The following FRA10AC1 variants were observed in gnomAD, a reference collection of about 807,000 sequenced individuals.
FRA10AC1 encodes FRA10A associated CGG repeat 1, also known as protein FRA10AC1.
A neutral mutation model predicts 56.5 loss-of-function variants in FRA10AC1; 43 were observed. That is an observed-to-expected ratio of 0.76 (90% confidence interval 0.60 to 0.98). The LOEUF is 0.98. Ranked by LOEUF, FRA10AC1 falls within the 50% of genes least tolerant of loss-of-function variation. The pLI is 0.00. For missense variants in FRA10AC1, 346 were observed against 351.8 expected (o/e 0.98, Z 0.13); for synonymous variants, 112 against 110.5 (o/e 1.01, Z -0.09).
intron 12 of FRA10AC1, chr10:93,671,910 A>AT (rs138087291): frequency 0.061 from 22,860 of 371,980 alleles, 1,369 homozygotes; most frequent in African/African-American, 0.16. Flanking sequence ...ATTACCTTCA[A>AT]AATCAGTAAA....
At chr10:93,687,258 T>C (rs1543579) in intron 8 of FRA10AC1, 146 bp downstream of exon 8, 51,219 of 561,576 alleles carry the variant, frequency 0.091, 2,992 homozygotes, top group East Asian at 0.28. Context: ...CCTTTGCTAA[T>C]AATGTATCAT....
rs1236623178 is a variant in FRA10AC1, at chr10:93,692,059, A to C, written c.415T>G (p.Leu139Val). 2 of 1,560,038 alleles carry C rather than the reference A, an allele frequency of 1.3e-6. No individual in the cohort carries two copies. The highest frequency in any genetic ancestry group is 1.4e-5 in the African/African-American group (1 of 71,120). ...KRLAKKYYDK[L>V]FKEYCIADLS... ...TCTGCTATGCAGTATTCCTTAAATA[A>C]TTTATCATAGTATTTCTTAGCAAGT... is the stretch of plus-strand genomic sequence containing the variant. Residue 139 changes from leucine (L) to valine (V), a missense_variant, in exon 7 of 14, where the codon TTA becomes GTA. Physicochemically the swap from Leu to Val is conservative, Grantham distance 32. Transcript: ENST00000359204.
chr10:93,675,009 A>G (rs1445907656), intron 12 of FRA10AC1: 7 of 152,186 alleles, frequency 4.6e-5, no homozygotes, highest in Admixed American at 4.6e-4. Flanking sequence ...AACTGTCACT[A>G]CATTTTACCT....
At chr10:93,700,203 G>A (rs2059307546) in intron 1 of FRA10AC1, 97 bp from the exon 2 acceptor site, 3 of 713,202 alleles carry the variant, frequency 4.2e-6, no homozygotes, top group Non-Finnish European at 7.2e-6. Context: ...AGCCACAATA[G>A]TTTTAAAGGA....
chr10:93,693,482 G>GTGTATA (rs1192716559), intron 5 of FRA10AC1, among the ~76,000 whole-genome samples: 2 of 36,280 alleles, frequency 5.5e-5, no homozygotes, highest in Non-Finnish European at 7.9e-5. Context: ...TGGTGTGTGT[G>GTGTATA]TATATATATA....
intron 12 of FRA10AC1, chr10:93,673,236 G>A: frequency 2.3e-6 from 1 of 435,480 alleles, no homozygotes; most frequent in South Asian, 1.7e-5. Context: ...CCAACCCAGA[G>A]TCATAAAAAA....
At chr10:93,692,975 T>C (rs543491724) in intron 5 of FRA10AC1, among the ~76,000 whole-genome samples, 45 of 152,230 alleles carry the variant, frequency 3.0e-4, no homozygotes, top group Non-Finnish European at 5.7e-4. Flanking sequence ...GTTTCAATTA[T>C]ACAAATGGTG....
chr10:93,675,832 G>A lies in FRA10AC1; in HGVS notation c.826+821C>T, dbSNP rs2058831363. 2.5e-5 allele frequency: 4 copies of A among 158,548 alleles called. No homozygotes were observed. The Admixed American group carries it at 2.6e-4, about 10-fold the overall frequency. The allele number at this position is 158,548 out of a possible 1,614,324, so 9.8% of individuals were successfully genotyped here. On this transcript the variant is annotated intron_variant, in intron 12 of 13. Transcript: ENST00000359204. Reference sequence around the variant, plus strand: ...GAACTACACCTTATTATTAGGCCTTGAGCCTACTACAAGTCTTTAAAAAAT... The same window carrying A: ...GAACTACACCTTATTATTAGGCCTTAAGCCTACTACAAGTCTTTAAAAAAT...
At chr10:93,700,200 A>G in intron 1 of FRA10AC1, 94 bp from the exon 2 acceptor site, 1 of 738,474 alleles carries the variant, frequency 1.4e-6, no homozygotes, top group Non-Finnish European at 2.3e-6. Context: ...AACAGCCACA[A>G]TAGTTTTAAA....
chr10:93,692,570 G>A (rs956353597), intron 6 of FRA10AC1, 76 bp downstream of exon 6: 7 of 885,876 alleles, frequency 7.9e-6, no homozygotes, highest in Admixed American at 2.2e-5. Flanking sequence ...TGAACACCTT[G>A]ACTAAAAAAC....
chr10:93,680,030 G>T (rs571564253), intron 11 of FRA10AC1, among the ~76,000 whole-genome samples: 1 of 152,288 alleles, frequency 6.6e-6, no homozygotes, highest in East Asian at 1.9e-4. Context: ...GGAAGATCAT[G>T]TGCATATGTA....
intron 4 of FRA10AC1, among the ~76,000 whole-genome samples, chr10:93,697,416 C>A (rs562758019): frequency 3.9e-5 from 6 of 152,240 alleles, no homozygotes; most frequent in Non-Finnish European, 5.9e-5. Context: ...AGGTAGGGGG[C>A]GTATCAAATT....
chr10:93,693,553 CAT>C (rs1564820286), intron 5 of FRA10AC1, among the ~76,000 whole-genome samples: 3 of 131,368 alleles, frequency 2.3e-5, no homozygotes, highest in Admixed American at 7.7e-5. Flanking sequence ...TATATACACA[CAT>C]ACATACACCA....
At chr10:93,694,658 G>A (rs540150766) in intron 5 of FRA10AC1, among the ~76,000 whole-genome samples, 28 of 145,574 alleles carry the variant, frequency 1.9e-4, no homozygotes, top group African/African-American at 7.0e-4. Flanking sequence ...AGGTTGCAGT[G>A]AGCCGAGATC....
intron 10 of FRA10AC1, among the ~76,000 whole-genome samples, chr10:93,683,676 T>C (rs2058974251): frequency 6.6e-6 from 1 of 152,158 alleles, no homozygotes; most frequent in African/African-American, 2.4e-5. Flanking sequence ...AAAATGAGTA[T>C]AGAGGTGTCT....
At chr10:93,701,839 T>C (rs974276707) in intron 1 of FRA10AC1, among the ~76,000 whole-genome samples, 5 of 152,056 alleles carry the variant, frequency 3.3e-5, no homozygotes, top group Non-Finnish European at 1.5e-5. Context: ...GCCTACTAGA[T>C]TTCACTGCTT....
chr10:93,693,408 C>T (rs1489266646), intron 5 of FRA10AC1, among the ~76,000 whole-genome samples: 2 of 147,778 alleles, frequency 1.4e-5, no homozygotes, highest in Non-Finnish European at 3.0e-5. Context: ...CAGCACAATT[C>T]GCAATTGCAA....
chr10:93,670,676 C>T, intron 13 of FRA10AC1, 94 bp downstream of exon 13: 1 of 801,088 alleles, frequency 1.2e-6, no homozygotes, highest in Non-Finnish European at 2.1e-6. Flanking sequence ...AAATAGATCA[C>T]CATGATGTTG....
chr10:93,689,399 G>A (rs2059086652), intron 7 of FRA10AC1, among the ~76,000 whole-genome samples: 1 of 151,590 alleles, frequency 6.6e-6, no homozygotes, highest in Non-Finnish European at 1.5e-5. Context: ...CCAAATCTAG[G>A]GGAAAAAATA....
Sources: gnomAD v4.1 joint callset for allele counts (sites outside exome capture counted in the v4.1 genomes callset) on GRCh38, gnomAD v4.1.1 for gene constraint, MANE v1.5 for transcripts, NCBI Gene and HGNC (gene_info 2026-07-23, HGNC 2026-07-21) for gene names.